Variants in BMPR1B observed in about 807,000 individuals in gnomAD.
BMPR1B encodes the protein bone morphogenetic protein receptor type 1B.
A neutral mutation model predicts 59.1 loss-of-function variants in BMPR1B; 12 were observed. The ratio of observed to expected loss-of-function variants is 0.20; its 90% CI spans 0.13 to 0.33. The LOEUF (loss-of-function observed/expected upper bound fraction) is 0.33. BMPR1B is among the 10% of genes least tolerant of loss of function. The pLI, the probability that BMPR1B is intolerant of heterozygous loss-of-function variation, is 1.00. For missense variants in BMPR1B, 550 were observed against 610.9 expected (o/e 0.90, Z 1.05); for synonymous variants, 237 against 207.3 (o/e 1.14, Z -1.23).
chr4:94,889,328 T>C (rs1421414749), intron 2 of BMPR1B, among the ~76,000 whole-genome samples: 1 of 152,108 alleles, frequency 6.6e-6, no homozygotes, highest in East Asian at 1.9e-4. Context: ...TAATCTTGTA[T>C]ATGATAAGCA....
chr4:94,951,164 A>T (rs1477197670), intron 2 of BMPR1B, among the ~76,000 whole-genome samples: 1 of 152,212 alleles, frequency 6.6e-6, no homozygotes, highest in Non-Finnish European at 1.5e-5. Flanking sequence ...CAGCTTAAGG[A>T]GATTTGGGCT....
chr4:94,867,873 G>T (rs1015176580), intron 1 of BMPR1B, among the ~76,000 whole-genome samples: 3 of 152,010 alleles, frequency 2.0e-5, no homozygotes, highest in Non-Finnish European at 4.4e-5. Flanking sequence ...TGGAGACAGA[G>T]TCTCACTTCC....
At chr4:94,918,642 C>T (rs1728574992) in intron 2 of BMPR1B, among the ~76,000 whole-genome samples, 2 of 151,724 alleles carry the variant, frequency 1.3e-5, no homozygotes, top group Admixed American at 6.6e-5. Flanking sequence ...CATAACTGCA[C>T]TCTAGTTTTC....
intron 2 of BMPR1B, among the ~76,000 whole-genome samples, chr4:94,971,845 T>C (rs1031086016): frequency 6.6e-6 from 1 of 151,946 alleles, no homozygotes; most frequent in Non-Finnish European, 1.5e-5. Context: ...GTAGTTTCTC[T>C]CCTTAAATTT....
intron 1 of BMPR1B, among the ~76,000 whole-genome samples, chr4:94,873,240 T>C (rs754076134): frequency 3.5e-4 from 53 of 152,140 alleles, no homozygotes; most frequent in Non-Finnish European, 5.7e-4. Flanking sequence ...TCAATTTGCC[T>C]TTCTAGTTTT....
chr4:94,961,999 A>G (rs1051101092), intron 2 of BMPR1B, among the ~76,000 whole-genome samples: 4 of 152,116 alleles, frequency 2.6e-5, no homozygotes, highest in African/African-American at 7.2e-5. Flanking sequence ...GTTCTTAACT[A>G]TAGTCACCTT....
chr4:94,862,393 C>T (rs1291433395), intron 1 of BMPR1B, among the ~76,000 whole-genome samples: 1 of 151,622 alleles, frequency 6.6e-6, no homozygotes, highest in East Asian at 2.0e-4. Context: ...TCAGGTGAGC[C>T]ACCTGCTTCC....
chr4:94,759,308 G>C (rs1721666218), intron 1 of BMPR1B, among the ~76,000 whole-genome samples: 1 of 152,204 alleles, frequency 6.6e-6, no homozygotes, highest in African/African-American at 2.4e-5. Context: ...TAAAGAAAAT[G>C]TGTTAATACC....
At chr4:94,901,440 T>C (rs1329536592) in intron 2 of BMPR1B, among the ~76,000 whole-genome samples, 1 of 151,950 alleles carries the variant, frequency 6.6e-6, no homozygotes, top group African/African-American at 2.4e-5. Flanking sequence ...TTTTCAGATC[T>C]TGAGAGGGCC....
At chr4:94,813,557 A>G (rs1193897377) in intron 1 of BMPR1B, among the ~76,000 whole-genome samples, 1 of 152,162 alleles carries the variant, frequency 6.6e-6, no homozygotes, top group Non-Finnish European at 1.5e-5. Flanking sequence ...TATCACTGGA[A>G]TCGTGCAGGC....
At chr4:94,792,457 T>G (rs1015815959) in intron 1 of BMPR1B, among the ~76,000 whole-genome samples, 1 of 152,092 alleles carries the variant, frequency 6.6e-6, no homozygotes, top group Non-Finnish European at 1.5e-5. Context: ...TCACTCTTTT[T>G]TTCCAGATTA....
At chr4:94,799,028 C>G (rs929207810) in intron 1 of BMPR1B, among the ~76,000 whole-genome samples, 3 of 151,478 alleles carry the variant, frequency 2.0e-5, no homozygotes, top group African/African-American at 7.3e-5. Flanking sequence ...CCCAGGAGTG[C>G]GTTAGTGTGT....
chr4:94,903,565 AT>A (rs1251952657), intron 2 of BMPR1B, among the ~76,000 whole-genome samples: 1 of 150,996 alleles, frequency 6.6e-6, no homozygotes, highest in African/African-American at 2.4e-5. Flanking sequence ...GTGGTCCAGT[AT>A]TTTTAAAAGA....
intron 1 of BMPR1B, among the ~76,000 whole-genome samples, chr4:94,836,904 A>G (rs1724840824): frequency 6.7e-6 from 1 of 149,924 alleles, no homozygotes; most frequent in Non-Finnish European, 1.5e-5. Context: ...CTGACGTTTA[A>G]ATCTTTAATC....
chr4:94,793,544 G>T (rs2110606879), intron 1 of BMPR1B, among the ~76,000 whole-genome samples: 1 of 149,726 alleles, frequency 6.7e-6, no homozygotes, highest in East Asian at 2.0e-4. Context: ...GTAATGGGAT[G>T]GCTGGGTCAA....
intron 1 of BMPR1B, among the ~76,000 whole-genome samples, chr4:94,765,604 A>G (rs1437445613): frequency 6.6e-6 from 1 of 152,190 alleles, no homozygotes; most frequent in Non-Finnish European, 1.5e-5. Flanking sequence ...AGGGGACATA[A>G]TTTAATCAAA....
chr4:94,834,955 TTA>T (rs201855055), intron 1 of BMPR1B, among the ~76,000 whole-genome samples: 17,991 of 151,186 alleles, frequency 0.12, 1,097 homozygotes, highest in Non-Finnish European at 0.13. Context: ...TTTTTTTTTT[TTA>T]AATTTTGAAA....
chr4:94,988,131 T>G (rs965447), intron 2 of BMPR1B, among the ~76,000 whole-genome samples: 145,095 of 152,086 alleles, frequency 0.95, 69,250 homozygotes, highest in Middle Eastern at 0.99. Context: ...TTTTAAAAAG[T>G]AGAAAATGCT....
chr4:95,021,045 T>C (rs1723946090), intron 3 of BMPR1B, among the ~76,000 whole-genome samples: 1 of 152,172 alleles, frequency 6.6e-6, no homozygotes, highest in Non-Finnish European at 1.5e-5. Context: ...ATTGCAAAGA[T>C]GCTTGAGACT....
Sources: allele counts gnomAD v4.1 joint callset (sites outside exome capture counted in the v4.1 genomes callset), GRCh38; gene constraint gnomAD v4.1.1; transcripts MANE v1.5; gene names NCBI Gene and HGNC (gene_info 2026-07-23, HGNC 2026-07-21).